The following GRIK2 variants were observed in gnomAD, a reference collection of about 807,000 sequenced individuals.
GRIK2 encodes the protein glutamate ionotropic receptor kainate type subunit 2.
GRIK2 carries 32 observed loss-of-function variants against 100.3 expected under a neutral mutation model. The observed-to-expected ratio is 0.32, with a 90% CI of 0.24 to 0.43. The LOEUF (loss-of-function observed/expected upper bound fraction) is 0.43, where lower values mean the gene tolerates loss of function less well. Among genes scored for constraint, GRIK2 ranks in the 20% least tolerant of loss-of-function variants. The pLI, the probability that GRIK2 is intolerant of heterozygous loss-of-function variation, is 1.00. For missense variants in GRIK2, 843 were observed against 1,114.9 expected (o/e 0.76, Z 3.47); for synonymous variants, 417 against 389.4 (o/e 1.07, Z -0.83).
chr6:101,923,925 C>CAAA (rs768844963), intron 12 of GRIK2, among the ~76,000 whole-genome samples: 8 of 60,708 alleles, frequency 1.3e-4, no homozygotes, highest in South Asian at 6.4e-4. Context: ...ATTCTGTCTC[C>CAAA]AAAAAAAAAA....
intron 4 of GRIK2, among the ~76,000 whole-genome samples, chr6:101,674,057 C>A (rs555961470): frequency 6.6e-6 from 1 of 152,078 alleles, no homozygotes; most frequent in Non-Finnish European, 1.5e-5. Flanking sequence ...TCTGACTCAC[C>A]TTTATGAAGT....
chr6:101,968,089 T>G (rs183449324), intron 14 of GRIK2, among the ~76,000 whole-genome samples: 156 of 152,068 alleles, frequency 1.0e-3, no homozygotes, highest in Admixed American at 3.1e-3. Flanking sequence ...GTAATACAAT[T>G]TATTTGGCTC....
At chr6:101,473,975 G>T (rs1772089684) in intron 2 of GRIK2, among the ~76,000 whole-genome samples, 1 of 151,794 alleles carries the variant, frequency 6.6e-6, no homozygotes, top group Non-Finnish European at 1.5e-5. Context: ...CTGCTGCCTA[G>T]TTTTTTCTAA....
At chr6:101,789,022 G>C (rs938201478) in intron 7 of GRIK2, among the ~76,000 whole-genome samples, 7 of 151,986 alleles carry the variant, frequency 4.6e-5, no homozygotes, top group East Asian at 1.9e-4. Flanking sequence ...TGAGAAGTGT[G>C]TGTTCATATC....
In GRIK2 at chr6:101,898,727, C is replaced by T. The variant is rs764456256; in HGVS notation, c.1748+8864C>T. Among the ~76,000 whole-genome samples, 224 of 151,738 alleles carry T rather than the reference C, an allele frequency of 1.5e-3. 1 individual carries two copies. The highest frequency in any genetic ancestry group is 1.7e-3 in the Non-Finnish European group (115 of 67,856). On this transcript the variant is annotated intron_variant, in intron 12 of 16. Transcript: ENST00000369134. ...CTTTTTCCCTGAAAATTATTAGCTA[C>T]GTGTATTAAAAGAATAAAACAACAT... is the stretch of plus-strand genomic sequence containing the variant.
intron 2 of GRIK2, among the ~76,000 whole-genome samples, chr6:101,585,660 G>A (rs1362144533): frequency 6.6e-6 from 1 of 152,082 alleles, no homozygotes; most frequent in Non-Finnish European, 1.5e-5. Flanking sequence ...AAGAGTATAA[G>A]TGACCATGGA....
intron 7 of GRIK2, among the ~76,000 whole-genome samples, chr6:101,767,535 T>A (rs577300218): frequency 6.6e-6 from 1 of 152,298 alleles, no homozygotes; most frequent in Admixed American, 6.5e-5. Flanking sequence ...TTTGTTAAAA[T>A]AATGAGGTAT....
chr6:101,832,295 G>A (rs1034046303), intron 10 of GRIK2, among the ~76,000 whole-genome samples: 8 of 151,832 alleles, frequency 5.3e-5, no homozygotes, highest in Admixed American at 5.3e-4. Context: ...CACAATTTTA[G>A]TCACGCTCAT....
intron 10 of GRIK2, among the ~76,000 whole-genome samples, chr6:101,838,988 CT>C (rs61212050): frequency 1.9e-4 from 29 of 149,436 alleles, no homozygotes; most frequent in Non-Finnish European, 2.5e-4. Flanking sequence ...CTGGAATATG[CT>C]TTTTTTTTTA....
chr6:101,722,295 A>G (rs1020096218), intron 7 of GRIK2, among the ~76,000 whole-genome samples: 3 of 152,132 alleles, frequency 2.0e-5, no homozygotes, highest in Admixed American at 6.6e-5. Context: ...TAGGTAGTCC[A>G]TTAAAAACAA....
chr6:101,526,433 C>T (rs1775161351), intron 2 of GRIK2, among the ~76,000 whole-genome samples: 1 of 152,016 alleles, frequency 6.6e-6, no homozygotes, highest in Admixed American at 6.6e-5. Flanking sequence ...AAAAAATAAA[C>T]ATAAATTAGT....
At chr6:101,757,420 CAT>C (rs1438687542) in intron 7 of GRIK2, among the ~76,000 whole-genome samples, 1 of 152,056 alleles carries the variant, frequency 6.6e-6, no homozygotes, top group Non-Finnish European at 1.5e-5. Context: ...GACAATTATA[CAT>C]AGTGATAATA....
chr6:101,830,740 A>T lies in GRIK2; in HGVS notation c.1317+12257A>T, dbSNP rs7760088. Among the ~76,000 whole-genome samples the T allele has an allele frequency of 6.8e-3, 1,031 of 151,950 alleles. 8 individuals carry two copies. The highest frequency in any genetic ancestry group is 0.024 in the African/African-American group (989 of 41,532). On this transcript the variant is annotated intron_variant, in intron 10 of 16. Coordinates refer to ENST00000369134, the MANE Select transcript of GRIK2 (RefSeq NM_021956.5). Reference sequence around the variant, plus strand: ...CCACAGATGCTGGTGAGGTGGGGGAAAAAAGGTAATGCTTACATTGTTGGT... The same window carrying T: ...CCACAGATGCTGGTGAGGTGGGGGATAAAAGGTAATGCTTACATTGTTGGT...
At chr6:101,565,960 A>C (rs1013843422) in intron 2 of GRIK2, among the ~76,000 whole-genome samples, 1 of 128,236 alleles carries the variant, frequency 7.8e-6, no homozygotes, top group Non-Finnish European at 1.6e-5. Flanking sequence ...TATATATATA[A>C]GCAAACTAGA....
intron 2 of GRIK2, among the ~76,000 whole-genome samples, chr6:101,415,515 C>T (rs1291499374): frequency 2.0e-5 from 3 of 151,786 alleles, no homozygotes; most frequent in Non-Finnish European, 2.9e-5. Flanking sequence ...TGAATACAGG[C>T]GCCCGCCACC....
At chr6:102,002,720 AATT>A (rs949473902) in intron 14 of GRIK2, among the ~76,000 whole-genome samples, 4 of 150,790 alleles carry the variant, frequency 2.7e-5, no homozygotes, top group African/African-American at 9.7e-5. Context: ...ATTCCTTCAT[AATT>A]ATTCAGTCAC....
At chr6:101,669,696 C>A (rs1213846514) in intron 4 of GRIK2, among the ~76,000 whole-genome samples, 1 of 152,024 alleles carries the variant, frequency 6.6e-6, no homozygotes, top group Non-Finnish European at 1.5e-5. Context: ...TGGATAAAAA[C>A]CTTCATCCAC....
At chr6:101,550,790 C>T (rs188290972) in intron 2 of GRIK2, among the ~76,000 whole-genome samples, 4 of 152,264 alleles carry the variant, frequency 2.6e-5, no homozygotes, top group African/African-American at 9.6e-5. Context: ...TACAGTTTTC[C>T]TTTATAAGCA....
intron 14 of GRIK2, among the ~76,000 whole-genome samples, chr6:101,980,455 A>T (rs1002958822): frequency 6.6e-6 from 1 of 151,894 alleles, no homozygotes; most frequent in African/African-American, 2.4e-5. Context: ...GCAGGGGAGG[A>T]ATATAAGAGC....
Sources: gnomAD v4.1 joint callset for allele counts (sites outside exome capture counted in the v4.1 genomes callset) on GRCh38, gnomAD v4.1.1 for gene constraint, MANE v1.5 for transcripts, NCBI Gene and HGNC (gene_info 2026-07-23, HGNC 2026-07-21) for gene names.